SOS1: variants seen among roughly 807,000 people sequenced by gnomAD.
The protein encoded by SOS1 is son of sevenless homolog 1.
In SOS1, 25 loss-of-function variants were observed where a neutral mutation model predicts 157.6. The observed-to-expected ratio is 0.16, with a 90% CI of 0.12 to 0.22. The LOEUF (loss-of-function observed/expected upper bound fraction) is 0.22. Among genes scored for constraint, SOS1 ranks in the 10% least tolerant of loss-of-function variants. SOS1 has a pLI of 1.00. For synonymous variants in SOS1, 528 were observed against 534.0 expected, an observed-to-expected ratio of 0.99 and a Z score of 0.16; for missense variants, 1,237 against 1,599.1, an observed-to-expected ratio of 0.77 and a Z score of 3.86.
At chr2:39,011,071 G>A (rs1572820272) in intron 14 of SOS1, among the ~76,000 whole-genome samples, 3 of 151,494 alleles carry the variant, frequency 2.0e-5, no homozygotes, top group African/African-American at 4.8e-5. Flanking sequence ...AATTTTTTGT[G>A]TTTTTAGTAG....
intron 13 of SOS1, 91 bp downstream of exon 13, chr2:39,013,369 A>G: frequency 1.2e-6 from 1 of 829,688 alleles, no homozygotes; most frequent in South Asian, 1.4e-5. Context: ...TAAACATCTT[A>G]CATTACTGAG....
chr2:39,104,061 C>A (rs1001325275), intron 1 of SOS1, among the ~76,000 whole-genome samples: 1 of 152,140 alleles, frequency 6.6e-6, no homozygotes, highest in Non-Finnish European at 1.5e-5. Flanking sequence ...GGGGGTGGAT[C>A]ACCTGAGGTC....
chr2:39,031,038 T>G (rs887139530), intron 8 of SOS1, among the ~76,000 whole-genome samples: 1 of 151,762 alleles, frequency 6.6e-6, no homozygotes, highest in African/African-American at 2.4e-5. Flanking sequence ...CCTTAGAGCC[T>G]TTAGAGAAAG....
chr2:39,030,076 G>C (rs1047421038), intron 8 of SOS1, among the ~76,000 whole-genome samples: 4 of 151,916 alleles, frequency 2.6e-5, no homozygotes, highest in African/African-American at 7.3e-5. Context: ...TGAGGCTGAG[G>C]AATCACTTGA....
chr2:39,087,598 C>G (rs963779784), intron 1 of SOS1, among the ~76,000 whole-genome samples: 2 of 152,192 alleles, frequency 1.3e-5, no homozygotes, highest in African/African-American at 4.8e-5. Flanking sequence ...TCTCAAGCGT[C>G]TCGCCTGAAA....
At chr2:39,112,264 T>A (rs572441849) in intron 1 of SOS1, among the ~76,000 whole-genome samples, 1 of 151,782 alleles carries the variant, frequency 6.6e-6, no homozygotes, top group Non-Finnish European at 1.5e-5. Context: ...GAGGAAAATC[T>A]CACAACCACC....
chr2:39,072,499 T>A (rs2148150301), intron 1 of SOS1, among the ~76,000 whole-genome samples: 2 of 152,294 alleles, frequency 1.3e-5, no homozygotes, highest in Middle Eastern at 6.8e-3. Context: ...CAGTTAGAAC[T>A]AAAACAGATG....
At chr2:39,075,448 G>A (rs1671936432) in intron 1 of SOS1, among the ~76,000 whole-genome samples, 1 of 151,926 alleles carries the variant, frequency 6.6e-6, no homozygotes, top group Non-Finnish European at 1.5e-5. Flanking sequence ...AATTTTTTCA[G>A]CCTTTTTTTC....
intron 14 of SOS1, among the ~76,000 whole-genome samples, 193 bp from the exon 15 acceptor site, chr2:39,010,896 C>CTGTT (rs1669443947): frequency 7.5e-6 from 1 of 132,914 alleles, no homozygotes; most frequent in African/African-American, 3.4e-5. Context: ...TTTTTTTAAA[C>CTGTT]TTTTTTTTTT....
rs188055807 is a variant in SOS1, at chr2:39,051,173, C to T, written c.835G>A (p.Val279Ile). ...MTDEGSPHPLVGSCFEDLAEE... is the reference protein window; with the variant it reads ...MTDEGSPHPLIGSCFEDLAEE... Reference sequence around the variant, plus strand: ...GCTAAGTCTTCAAAGCAGCTTCCTACTAGTGGATGGGGACTGCCTTCATCT... The same window carrying T: ...GCTAAGTCTTCAAAGCAGCTTCCTATTAGTGGATGGGGACTGCCTTCATCT... The change falls in exon 6 of 23, where the codon GTA becomes ATA. Residue 279 changes from valine to isoleucine, a missense_variant. Physicochemically the swap from Val to Ile is conservative, Grantham distance 29 (BLOSUM62 3). Coordinates refer to ENST00000402219, the MANE Select transcript of SOS1 (RefSeq NM_005633.4). 3 of 1,613,848 alleles carry T rather than the reference C, an allele frequency of 1.9e-6. No homozygotes were observed. In the Admixed American group the frequency reaches 5.0e-5, roughly 27 times the overall value.
At chr2:39,019,876 G>A (rs1669742868) in intron 10 of SOS1, among the ~76,000 whole-genome samples, 1 of 151,284 alleles carries the variant, frequency 6.6e-6, no homozygotes, top group African/African-American at 2.4e-5. Flanking sequence ...TAGTACGCAC[G>A]TTTGCCCAGA....
chr2:39,123,190 G>C (rs531804250), upstream of SOS1, among the ~76,000 whole-genome samples: 18 of 152,104 alleles, frequency 1.2e-4, no homozygotes, highest in African/African-American at 4.1e-4. Flanking sequence ...CCACCTCCAA[G>C]AGGCCTTCTC....
rs1424336677 is a variant in SOS1, at chr2:38,983,945, A to G, written c.*1879T>C. The G allele has an allele frequency of 6.6e-6, 1 of 152,202 alleles. No homozygotes were observed. The highest frequency in any genetic ancestry group is 1.5e-5 in the Non-Finnish European group (1 of 68,028). The allele number at this position is 152,202 out of a possible 1,614,324, so 9.4% of individuals were successfully genotyped here. On this transcript the variant is annotated 3_prime_UTR_variant, in exon 23 of 23. Coordinates refer to ENST00000402219, the MANE Select transcript of SOS1 (RefSeq NM_005633.4). ...CATCATAGGAATGGTACAGATATTGAGAAAGGATTCAATTCTAACAAATAA... is the reference window on the plus strand; with the variant it reads ...CATCATAGGAATGGTACAGATATTGGGAAAGGATTCAATTCTAACAAATAA...
At chr2:39,103,820 C>T (rs781678627) in intron 1 of SOS1, among the ~76,000 whole-genome samples, 11 of 152,128 alleles carry the variant, frequency 7.2e-5, no homozygotes, top group Non-Finnish European at 1.3e-4. Flanking sequence ...TAAAAACTTT[C>T]GTTCATCAGA....
chr2:39,005,068 C>T (rs1190814398), intron 17 of SOS1, among the ~76,000 whole-genome samples: 1 of 152,116 alleles, frequency 6.6e-6, no homozygotes, highest in East Asian at 1.9e-4. Context: ...TCCAGGATCC[C>T]CAGTGGATAC....
intron 2 of SOS1, among the ~76,000 whole-genome samples, chr2:39,065,865 C>A (rs1394199904): frequency 6.6e-6 from 1 of 152,122 alleles, no homozygotes; most frequent in Non-Finnish European, 1.5e-5. Context: ...CAAAAATTCC[C>A]TGGAGCTTAC....
chr2:39,014,029 T>C, intron 11 of SOS1, 40 bp from the exon 12 acceptor site: 2 of 1,477,570 alleles, frequency 1.4e-6, no homozygotes, highest in Non-Finnish European at 1.9e-6. Flanking sequence ...AGACTAATTA[T>C]ATCGAGTTAT....
At chr2:39,063,419 T>G (rs1671479341) in intron 2 of SOS1, among the ~76,000 whole-genome samples, 1 of 152,252 alleles carries the variant, frequency 6.6e-6, no homozygotes, top group African/African-American at 2.4e-5. Flanking sequence ...GATTTTGGTA[T>G]CTTCAGGCAG....
intron 6 of SOS1, among the ~76,000 whole-genome samples, chr2:39,040,069 T>C (rs1457286180): frequency 6.6e-6 from 1 of 152,092 alleles, no homozygotes; most frequent in African/African-American, 2.4e-5. Context: ...TGGAGTGCAG[T>C]GGCGTGACCT....
Sources: gnomAD v4.1 joint callset for allele counts (sites outside exome capture counted in the v4.1 genomes callset) on GRCh38, gnomAD v4.1.1 for gene constraint, MANE v1.5 for transcripts, NCBI Gene and HGNC (gene_info 2026-07-23, HGNC 2026-07-21) for gene names.